Variants in PAM observed in about 807,000 individuals in gnomAD.
PAM encodes the protein peptidyl-glycine alpha-amidating monooxygenase.
Under a neutral mutation model 122.1 loss-of-function variants are expected in PAM, and 72 were observed. The observed-to-expected ratio is 0.59, with a 90% CI of 0.49 to 0.72. The LOEUF is 0.72. PAM is among the 30% of genes least tolerant of loss of function. The probability of loss-of-function intolerance (pLI) is 0.00; values close to 1 mark genes in which losing one functional copy is unlikely to be tolerated. For missense variants in PAM, 1,106 were observed against 1,183.7 expected (o/e 0.93, Z 0.96); for synonymous variants, 389 against 404.4 (o/e 0.96, Z 0.46).
intron 1 of PAM, among the ~76,000 whole-genome samples, chr5:102,812,491 A>G (rs548725148): frequency 4.6e-5 from 7 of 152,260 alleles, no homozygotes; most frequent in African/African-American, 1.7e-4. Context: ...ATGGAAAGAA[A>G]ACCAACTGTT....
chr5:103,022,654 A>G (rs146672183), intron 23 of PAM, among the ~76,000 whole-genome samples: 1 of 152,292 alleles, frequency 6.6e-6, no homozygotes, highest in East Asian at 1.9e-4. Context: ...CTGGCATTTT[A>G]TATGACAAAA....
At chr5:102,860,083 G>C (rs1229578356) in intron 1 of PAM, among the ~76,000 whole-genome samples, 1 of 152,192 alleles carries the variant, frequency 6.6e-6, no homozygotes, top group Non-Finnish European at 1.5e-5. Flanking sequence ...ATAATTTGCT[G>C]TTCAAAAATT....
chr5:102,854,057 C>G (rs904877584), intron 1 of PAM, among the ~76,000 whole-genome samples: 13 of 152,146 alleles, frequency 8.5e-5, no homozygotes, highest in African/African-American at 3.1e-4. Flanking sequence ...CGGTTCAGTC[C>G]CTGCCCCACT....
In PAM at chr5:102,950,741, G is replaced by C. The variant is rs780857262; in HGVS notation, c.826G>C (p.Val276Leu). The C allele has an allele frequency of 6.2e-7, 1 of 1,610,652 alleles. No individual in the cohort carries two copies. ...GGCTTTCTACCCTGTGGGGCATCCAGTTGATGTAAGTTTTGGTGACCTACT... is the reference window on the plus strand; with the variant it reads ...GGCTTTCTACCCTGTGGGGCATCCACTTGATGTAAGTTTTGGTGACCTACT... ...PQAFYPVGHP[V>L]DVSFGDLLAA... is the part of the protein sequence containing the mutation. The change falls in exon 12 of 26, where the codon GTT becomes CTT. Residue 276 changes from valine (V) to leucine (L), a missense_variant. Val to Leu is a conservative substitution (Grantham distance 32, BLOSUM62 1). Transcript: ENST00000438793.
intron 3 of PAM, among the ~76,000 whole-genome samples, chr5:102,894,518 A>G (rs956317102): frequency 1.3e-5 from 2 of 150,648 alleles, no homozygotes; most frequent in African/African-American, 4.9e-5. Context: ...TTTTCTGTCT[A>G]CTCTCAATAC....
intron 1 of PAM, among the ~76,000 whole-genome samples, chr5:102,856,617 C>T (rs375522703): frequency 2.0e-5 from 3 of 151,964 alleles, no homozygotes; most frequent in Non-Finnish European, 4.4e-5. Context: ...TTATTTTCCC[C>T]GTGGAAGTAT....
At chr5:102,927,137 C>A (rs1487049507) in intron 7 of PAM, among the ~76,000 whole-genome samples, 1 of 152,054 alleles carries the variant, frequency 6.6e-6, no homozygotes, top group Non-Finnish European at 1.5e-5. Flanking sequence ...TTCATGAACT[C>A]ATCCATTGTC....
At chr5:102,948,928 A>G (rs1331566202) in intron 9 of PAM, among the ~76,000 whole-genome samples, 1 of 152,120 alleles carries the variant, frequency 6.6e-6, no homozygotes, top group African/African-American at 2.4e-5. Context: ...AAGCGATGAG[A>G]ATAAGTATAT....
At chr5:102,977,416 G>T (rs192495085) in intron 15 of PAM, among the ~76,000 whole-genome samples, 2 of 152,204 alleles carry the variant, frequency 1.3e-5, no homozygotes, top group East Asian at 3.9e-4. Context: ...GTTAAATACT[G>T]TGTCTTATTG....
At chr5:102,973,630 G>A (rs73177636) in intron 14 of PAM, among the ~76,000 whole-genome samples, 3,038 of 152,160 alleles carry the variant, frequency 0.02, 88 homozygotes, top group African/African-American at 0.07. Flanking sequence ...AAATGGATAC[G>A]TATTTACTTG....
At chr5:102,762,618 G>GCCCTTAT (rs1752670799) in intron 1 of PAM, among the ~76,000 whole-genome samples, 1 of 152,016 alleles carries the variant, frequency 6.6e-6, no homozygotes, top group East Asian at 1.9e-4. Context: ...TCTTTCCCTG[G>GCCCTTAT]GGAGAATTTA....
chr5:102,971,215 A>G (rs549951713), intron 14 of PAM, among the ~76,000 whole-genome samples: 36 of 152,342 alleles, frequency 2.4e-4, no homozygotes, highest in Admixed American at 2.0e-3. Context: ...GCATGTTGCA[A>G]TTAGTTTGTT....
At chr5:103,012,150 A>G (rs1030431363) in intron 21 of PAM, among the ~76,000 whole-genome samples, 1 of 152,098 alleles carries the variant, frequency 6.6e-6, no homozygotes, top group African/African-American at 2.4e-5. Flanking sequence ...CTCCTTATAT[A>G]TTGTGGTTGT....
chr5:102,932,557 G>GTGTATGTATAGATATATATACATATAAT (rs1751906800), intron 7 of PAM, among the ~76,000 whole-genome samples: 1 of 147,980 alleles, frequency 6.8e-6, no homozygotes, highest in South Asian at 2.1e-4. Context: ...ATGTATGTGT[G>GTGTATGTATAGATATATATACATATAAT]TGTATGTATA....
intron 1 of PAM, among the ~76,000 whole-genome samples, chr5:102,779,686 G>A (rs1311713173): frequency 6.6e-6 from 1 of 151,652 alleles, no homozygotes; most frequent in Non-Finnish European, 1.5e-5. Context: ...GCAGAAAAAT[G>A]TGAAGAGGTG....
chr5:102,926,631 A>G lies in PAM; in HGVS notation c.489A>G (p.Val163=), dbSNP rs139927036. The part of the protein sequence containing the change: ...VGGETGSKYF[V]LQVHYGDISA... Reference sequence around the variant, plus strand: ...GAGAGACTGGAAGTAAATACTTTGTACTACAGGTACACTATGGGGATATTA... The same window carrying G: ...GAGAGACTGGAAGTAAATACTTTGTGCTACAGGTACACTATGGGGATATTA... The change falls in exon 7 of 26, where the codon GTA becomes GTG. Residue 163 remains valine, a synonymous_variant. Coordinates refer to ENST00000438793, the MANE Select transcript of PAM (RefSeq NM_001177306.2). 4.1e-5 allele frequency: 66 copies of G among 1,599,760 alleles called. No individual in the cohort carries two copies. The East Asian group carries it at 1.5e-3, about 36-fold the overall frequency.
intron 1 of PAM, among the ~76,000 whole-genome samples, chr5:102,781,496 A>G (rs1758930788): frequency 6.6e-6 from 1 of 152,216 alleles, no homozygotes; most frequent in South Asian, 2.1e-4. Flanking sequence ...GTAAAAACCT[A>G]AATGCTAAAG....
intron 1 of PAM, among the ~76,000 whole-genome samples, chr5:102,771,374 A>G (rs1755743858): frequency 6.6e-6 from 1 of 152,100 alleles, no homozygotes; most frequent in Admixed American, 6.6e-5. Context: ...CCATTTGCCA[A>G]GTGGGAATGA....
chr5:102,979,908 A>G (rs948630496), intron 15 of PAM, among the ~76,000 whole-genome samples: 10 of 152,026 alleles, frequency 6.6e-5, no homozygotes, highest in African/African-American at 2.2e-4. Flanking sequence ...TTTATAGAAT[A>G]ATATAATTTA....
Sources: gnomAD v4.1 joint callset for allele counts (sites outside exome capture counted in the v4.1 genomes callset) on GRCh38, gnomAD v4.1.1 for gene constraint, MANE v1.5 for transcripts, NCBI Gene and HGNC (gene_info 2026-07-23, HGNC 2026-07-21) for gene names.